Variants in RFNG observed in about 807,000 individuals in gnomAD.
The protein encoded by RFNG is RFNG O-fucosylpeptide 3-beta-N-acetylglucosaminyltransferase, also known as beta-1,3-N-acetylglucosaminyltransferase radical fringe.
RFNG carries 37 observed loss-of-function variants against 29.6 expected under a neutral mutation model. The observed-to-expected ratio is 1.25, with a 90% CI of 0.96 to 1.65. The LOEUF is 1.65. RFNG is among the 40% of genes most tolerant of loss of function. The pLI, the probability that RFNG is intolerant of heterozygous loss-of-function variation, is 0.00. For synonymous variants in RFNG, 276 were observed against 197.3 expected (o/e 1.40, Z -3.34); for missense variants, 546 against 457.0 (o/e 1.19, Z -1.78).
At chr17:82,049,208 C>T in intron 6 of RFNG, 92 bp from the exon 7 acceptor site, 1 of 1,023,664 alleles carries the variant, frequency 9.8e-7, no homozygotes. Flanking sequence ...AGCCCCTTTG[C>T]CCACCCCCTC....
In RFNG at chr17:82,048,405, C is replaced by A; in HGVS notation, c.*321G>T. 3 of 380,974 alleles carry A rather than the reference C, an allele frequency of 7.9e-6. No homozygotes were observed. The highest frequency in any genetic ancestry group is 1.5e-3 in the Middle Eastern group (2 of 1,304). 23.6% of individuals were successfully genotyped at this position (380,974 alleles called of 1,614,324 possible). The stretch of plus-strand genomic sequence containing the variant: ...GCCTTCAGCAACAGGTAATGGAGCC[C>A]GGATGGCAGCTCCCTCCCAGGTGCG... On this transcript the variant is annotated 3_prime_UTR_variant, in exon 8 of 8. Transcript: ENST00000310496.
chr17:82,051,351 G>A lies in RFNG; in HGVS notation c.268-9C>T. On this transcript the variant is annotated splice_polypyrimidine_tract_variant and intron_variant, in intron 1 of 7. Transcript: ENST00000310496. This position sits in a 1 kb window ranked among gnomAD's most constrained non-coding sequence, Gnocchi z 4.1. ...TCGGTGAAGATAAACGTCTGGGGGA[G>A]AAACAATCTATGAGGCTTCTGGGGC... The A allele has an allele frequency of 1.4e-6, 2 of 1,467,878 alleles. No individual in the cohort carries two copies. Among genetic ancestry groups the A allele is most frequent in the Non-Finnish European group, 1.8e-6 (2 of 1,119,770 alleles). 90.9% of individuals were successfully genotyped at this position (1,467,878 alleles called of 1,614,324 possible). A position where few individuals can be genotyped will look rare whatever the true frequency, so the allele number is the denominator to read the frequency against.
chr17:82,050,986 A>G, intron 2 of RFNG: 2 of 1,424,268 alleles, frequency 1.4e-6, no homozygotes, highest in Non-Finnish European at 1.8e-6. Flanking sequence ...TTGAGTGGAA[A>G]CAGGACGGAG....
Position 82,050,155 on chromosome 17 carries a change from C to T in RFNG, c.574-149G>A. On this transcript the variant is annotated intron_variant, in intron 4 of 7. Coordinates refer to ENST00000310496, the MANE Select transcript of RFNG (RefSeq NM_002917.2). ...TTCTTGGAGCAAAAAGAGCCGGGGG[C>T]TTCTGCAGGCCATTGACCCGTAGCC... 3.7e-6 allele frequency: 3 copies of T among 809,666 alleles called. No individual in the cohort carries two copies. The South Asian group carries it at 5.2e-5, about 14-fold the overall frequency. The allele number at this position is 809,666 out of a possible 1,614,324, so 50.2% of individuals were successfully genotyped here.
Position 82,051,281 on chromosome 17 carries a change from G to C in RFNG, c.316+13C>G, listed in dbSNP as rs764652539. The C allele has an allele frequency of 2.9e-6, 4 of 1,381,444 alleles. No homozygotes were observed. The highest frequency in any genetic ancestry group is 6.6e-5 in the Admixed American group (2 of 30,262). The allele number at this position is 1,381,444 out of a possible 1,614,324, so 85.6% of individuals were successfully genotyped here. On this transcript the variant is annotated intron_variant, in intron 2 of 7. Transcript: ENST00000310496. The surrounding 1 kb of genome is among the most constrained non-coding windows in gnomAD (Gnocchi z 4.1). ...GCAGATCCCGCGGGCGCCGGGGAGT[G>C]GGGGACACTCACCGCCCTGGAGCTC...
At position 82,049,094 on chromosome 17, in the gene RFNG, G is replaced by A. The variant is rs2030101358; in HGVS notation, c.851C>T (p.Pro284Leu). 3 of 1,613,470 alleles carry A rather than the reference G, an allele frequency of 1.9e-6. No individual in the cohort carries two copies. The highest frequency in any genetic ancestry group is 8.5e-7 in the Non-Finnish European group (1 of 1,179,834). The change falls in exon 7 of 8, where the codon CCT becomes CTT. Residue 284 changes from proline to leucine, a missense_variant. By Grantham distance (98) the Pro-to-Leu change is moderately conservative (BLOSUM62 -3). Transcript: ENST00000310496. ...GTTCACCACGTTATGTGGGTTCTCA[G>A]GACCCCCATGGCTCAAGGTAACCTG... ...LQQVTLSHGG[P>L]ENPHNVVNVA...
At position 82,050,287 on chromosome 17, in the gene RFNG, C is replaced by T; in HGVS notation, c.573+115G>A. 6 of 1,269,356 alleles carry T rather than the reference C, an allele frequency of 4.7e-6. 1 individual carries two copies. In the South Asian group the frequency reaches 9.0e-5, roughly 19 times the overall value. The allele number at this position is 1,269,356 out of a possible 1,614,324, so 78.6% of individuals were successfully genotyped here. On this transcript the variant is annotated intron_variant, in intron 4 of 7. Coordinates refer to ENST00000310496, the MANE Select transcript of RFNG (RefSeq NM_002917.2). ...CATGCAAACCACCTGGGTGGATCAG[C>T]TTGGGCCCCCAACCCTATGCCCTTC...
chr17:82,050,151 G>A (rs1464358248), intron 4 of RFNG, 145 bp from the exon 5 acceptor site: 4 of 826,484 alleles, frequency 4.8e-6, no homozygotes, highest in Non-Finnish European at 5.8e-6. Flanking sequence ...AAAAGAGCCG[G>A]GGGCTTCTGC....
At position 82,050,843 on chromosome 17, in the gene RFNG, AAGGGCC is replaced by A. The variant is rs2030422501; in HGVS notation, c.317-85_317-80del. ...TAAGGCCTGTGCCCCACCTGCCCCC[AAGGGCC>A]AGGGCACAACGTGGCTGTCTGACAT... is the stretch of plus-strand genomic sequence containing the variant. On this transcript the variant is annotated intron_variant, in intron 2 of 7. Coordinates refer to ENST00000310496, the MANE Select transcript of RFNG (RefSeq NM_002917.2). 20 of 1,500,564 alleles carry A rather than the reference AAGGGCC, an allele frequency of 1.3e-5. No individual in the cohort carries two copies. In the South Asian group the frequency reaches 2.2e-4, roughly 17 times the overall value. 93.0% of individuals were successfully genotyped at this position (1,500,564 alleles called of 1,614,324 possible). A position where few individuals can be genotyped will look rare whatever the true frequency, so the allele number is the denominator to read the frequency against.
At chr17:82,050,822 G>C in intron 2 of RFNG, 58 bp from the exon 3 acceptor site, 1 of 1,557,640 alleles carries the variant, frequency 6.4e-7, no homozygotes, top group Non-Finnish European at 8.8e-7. Context: ...TTGGGGTAAG[G>C]CCTGTGCCCC....
chr17:82,048,537 A>C lies in RFNG; in HGVS notation c.*189T>G. On this transcript the variant is annotated 3_prime_UTR_variant, in exon 8 of 8. Coordinates refer to ENST00000310496, the MANE Select transcript of RFNG (RefSeq NM_002917.2). ...CAGCCTGGCTGTCTTCGTTCTCCCA[A>C]AACACCCATCACCGCAGCCCACCAG... 1 of 604,676 alleles carries C rather than the reference A, an allele frequency of 1.7e-6. No individual in the cohort carries two copies. The highest frequency in any genetic ancestry group is 3.0e-6 in the Non-Finnish European group (1 of 338,982). The allele number at this position is 604,676 out of a possible 1,614,324, so 37.5% of individuals were successfully genotyped here. A position where few individuals can be genotyped will look rare whatever the true frequency, so the allele number is the denominator to read the frequency against.
In RFNG at chr17:82,049,569, T is replaced by G. The variant is rs987653308; in HGVS notation, c.828+108A>C. Reference sequence around the variant, plus strand: ...GGGTCCACCCCCAGCCACATGCAAATCCCACCTGCCTGCTCAGCCGGGCAT... The same window carrying G: ...GGGTCCACCCCCAGCCACATGCAAAGCCCACCTGCCTGCTCAGCCGGGCAT... On this transcript the variant is annotated intron_variant, in intron 6 of 7. Coordinates refer to ENST00000310496, the MANE Select transcript of RFNG (RefSeq NM_002917.2). 4.9e-5 allele frequency: 66 copies of G among 1,336,706 alleles called. No individual in the cohort carries two copies. In the Middle Eastern group the frequency reaches 5.4e-4, roughly 11 times the overall value. The allele number at this position is 1,336,706 out of a possible 1,614,324, so 82.8% of individuals were successfully genotyped here.
In RFNG at chr17:82,048,663, A is replaced by T. The variant is rs2030069603; in HGVS notation, c.*63T>A. The T allele has an allele frequency of 7.3e-7, 1 of 1,364,018 alleles. No homozygotes were observed. Among genetic ancestry groups the T allele is most frequent in the East Asian group, 2.3e-5 (1 of 43,686 alleles). The allele number at this position is 1,364,018 out of a possible 1,614,324, so 84.5% of individuals were successfully genotyped here. A position where few individuals can be genotyped will look rare whatever the true frequency, so the allele number is the denominator to read the frequency against. On this transcript the variant is annotated 3_prime_UTR_variant, in exon 8 of 8. Coordinates refer to ENST00000310496, the MANE Select transcript of RFNG (RefSeq NM_002917.2). ...ACCTGAGGGAGCCCACTGAGCCCAT[A>T]GGGGGCTCTGGTTCCCCGCGCCTGG... is the stretch of plus-strand genomic sequence containing the variant.
Position 82,048,588 on chromosome 17 carries a change from C to A in RFNG, c.*138G>T. 1.4e-6 allele frequency: 1 copy of A among 703,730 alleles called. No homozygotes were observed. 43.6% of individuals were successfully genotyped at this position (703,730 alleles called of 1,614,324 possible). Reference sequence around the variant, plus strand: ...GGGCTGGGAGAGGGGGGGCTGCAGGCTAGCCAGAGGGTCTGCCAGGTGCCT... The same window carrying A: ...GGGCTGGGAGAGGGGGGGCTGCAGGATAGCCAGAGGGTCTGCCAGGTGCCT... On this transcript the variant is annotated 3_prime_UTR_variant, in exon 8 of 8. Coordinates refer to ENST00000310496, the MANE Select transcript of RFNG (RefSeq NM_002917.2).
In RFNG at chr17:82,050,408, G is replaced by A. The variant is rs768123009; in HGVS notation, c.567C>T (p.Gly189=). The change falls in exon 4 of 8, where the codon GGC becomes GGT. Residue 189 remains glycine, a synonymous_variant. Transcript: ENST00000310496. ...PIEATERVQG[G]RTVTTVKFWF... ...CGTCTGCTCCGACACTCACAGTTCT[G>A]CCACCCTGGACCCTCTCGGTGGCCT... 20 of 1,574,792 alleles carry A rather than the reference G, an allele frequency of 1.3e-5. No individual in the cohort carries two copies. Among genetic ancestry groups the A allele is most frequent in the Non-Finnish European group, 1.7e-5 (20 of 1,165,288 alleles).
At chr17:82,049,617 T>TG (rs775392140) in intron 6 of RFNG, 60 bp downstream of exon 6, 9 of 1,464,868 alleles carry the variant, frequency 6.1e-6, no homozygotes, top group Non-Finnish European at 8.1e-6. Context: ...GTGGGGCCCC[T>TG]GGGGGAGTCA....
rs762216232 is a variant in RFNG, at chr17:82,051,375, G to T, written c.268-33C>A. The T allele has an allele frequency of 2.8e-6, 4 of 1,449,372 alleles. No homozygotes were observed. 89.8% of individuals were successfully genotyped at this position (1,449,372 alleles called of 1,614,324 possible). A position where few individuals can be genotyped will look rare whatever the true frequency, so the allele number is the denominator to read the frequency against. On this transcript the variant is annotated intron_variant, in intron 1 of 7. Transcript: ENST00000310496. The surrounding 1 kb of genome is among the most constrained non-coding windows in gnomAD (Gnocchi z 4.1). The stretch of plus-strand genomic sequence containing the variant: ...AGAAACAATCTATGAGGCTTCTGGG[G>T]CGCTGCCCAGGCCGGAGACCGACCC...
At chr17:82,050,603 A>C in intron 3 of RFNG, 48 bp from the exon 4 acceptor site, 1 of 1,608,228 alleles carries the variant, frequency 6.2e-7, no homozygotes, top group South Asian at 1.1e-5. Flanking sequence ...ATGGCTGGAC[A>C]GGAGGCCCCC....
chr17:82,048,357 G>T lies in RFNG; in HGVS notation c.*369C>A. 1 of 283,364 alleles carries T rather than the reference G, an allele frequency of 3.5e-6. No individual in the cohort carries two copies. The allele number at this position is 283,364 out of a possible 1,614,324, so 17.6% of individuals were successfully genotyped here. A position where few individuals can be genotyped will look rare whatever the true frequency, so the allele number is the denominator to read the frequency against. ...GACCTTGGCCTGGAGCCTGCTCCTTGACACCCAGCCAGCCTAGCACCCGCC... is the reference window on the plus strand; with the variant it reads ...GACCTTGGCCTGGAGCCTGCTCCTTTACACCCAGCCAGCCTAGCACCCGCC... On this transcript the variant is annotated 3_prime_UTR_variant, in exon 8 of 8. Transcript: ENST00000310496.
Sources: allele counts gnomAD v4.1 joint callset, GRCh38; gene constraint gnomAD v4.1.1; non-coding constraint Gnocchi (gnomAD v3.1); transcripts MANE v1.5; gene names NCBI Gene and HGNC (gene_info 2026-07-23, HGNC 2026-07-21).